DSE: variants seen among roughly 807,000 people sequenced by gnomAD.
The protein encoded by DSE is dermatan sulfate epimerase.
DSE carries 36 observed loss-of-function variants against 84.4 expected under a neutral mutation model. That is an observed-to-expected ratio of 0.43 (90% confidence interval 0.33 to 0.56). The LOEUF (loss-of-function observed/expected upper bound fraction) is 0.56. Ranked by LOEUF, DSE falls within the 20% of genes least tolerant of loss-of-function variation. The pLI is 0.06. For synonymous variants in DSE, 410 were observed against 430.1 expected, an observed-to-expected ratio of 0.95 and a Z score of 0.58; for missense variants, 862 against 1,169.6, an observed-to-expected ratio of 0.74 and a Z score of 3.84.
At chr6:116,363,326 G>C (rs1273742625) in intron 2 of DSE, among the ~76,000 whole-genome samples, 1 of 151,524 alleles carries the variant, frequency 6.6e-6, no homozygotes. Context: ...TTTAATGACT[G>C]ATCAGAAAGT....
At chr6:116,258,698 C>G (rs1772260191) in exon 2 of DSE, 2 of 1,606,232 alleles carry the variant, frequency 1.2e-6, no homozygotes, top group Non-Finnish European at 1.7e-6. Context: ...GGGGACACGT[C>G]CACAGCCTGT....
chr6:116,267,354 A>G (rs113874070), intron 2 of DSE, among the ~76,000 whole-genome samples: 2 of 152,212 alleles, frequency 1.3e-5, no homozygotes, highest in African/African-American at 4.8e-5. Flanking sequence ...GAGGTAGAAG[A>G]CAGTGATATT....
chr6:116,304,662 C>A (rs1277043934), intron 2 of DSE, among the ~76,000 whole-genome samples: 1 of 152,176 alleles, frequency 6.6e-6, no homozygotes, highest in Non-Finnish European at 1.5e-5. Flanking sequence ...GCACTGTGTG[C>A]TTCTGGTGCC....
intron 2 of DSE, among the ~76,000 whole-genome samples, chr6:116,323,494 C>T (rs1045607709): frequency 6.6e-6 from 1 of 152,092 alleles, no homozygotes; most frequent in Non-Finnish European, 1.5e-5. Flanking sequence ...CGTTTAGCAG[C>T]CAGGTGCTAT....
At chr6:116,289,272 G>A (rs1319471131) in intron 2 of DSE, among the ~76,000 whole-genome samples, 1 of 151,908 alleles carries the variant, frequency 6.6e-6, no homozygotes, top group Non-Finnish European at 1.5e-5. Flanking sequence ...TAAAAATAAT[G>A]TACATGAAAC....
chr6:116,326,375 A>G (rs1381487199), intron 2 of DSE, among the ~76,000 whole-genome samples: 2 of 152,116 alleles, frequency 1.3e-5, no homozygotes, highest in Non-Finnish European at 1.5e-5. Flanking sequence ...AAAACTTTCA[A>G]ATATCTTAGG....
chr6:116,286,864 G>T (rs1278561321), intron 2 of DSE, among the ~76,000 whole-genome samples: 1 of 152,010 alleles, frequency 6.6e-6, no homozygotes, highest in Non-Finnish European at 1.5e-5. Context: ...GCTCCCCTTG[G>T]TACATGTTAC....
At chr6:116,333,987 A>T (rs1399629187) in intron 2 of DSE, among the ~76,000 whole-genome samples, 1 of 152,048 alleles carries the variant, frequency 6.6e-6, no homozygotes, top group African/African-American at 2.4e-5. Context: ...CAACCCTCCA[A>T]AATATTGCAA....
intron 1 of DSE, among the ~76,000 whole-genome samples, chr6:116,392,273 G>T (rs527594825): frequency 6.6e-6 from 1 of 152,314 alleles, no homozygotes; most frequent in South Asian, 2.1e-4. Flanking sequence ...AAGGAGGAGG[G>T]AACTTGGACT....
intron 2 of DSE, among the ~76,000 whole-genome samples, chr6:116,345,034 C>A (rs1164369104): frequency 6.6e-6 from 1 of 152,174 alleles, no homozygotes; most frequent in Non-Finnish European, 1.5e-5. Context: ...AAGACCATTA[C>A]ATAATGGTAA....
At chr6:116,376,958 C>A (rs1242987058) in intron 1 of DSE, among the ~76,000 whole-genome samples, 2 of 152,122 alleles carry the variant, frequency 1.3e-5, no homozygotes, top group East Asian at 3.9e-4. Context: ...CATGCCAACC[C>A]CCACCTTTTG....
chr6:116,369,671 T>G (rs1228716218), upstream of DSE, among the ~76,000 whole-genome samples: 1 of 152,222 alleles, frequency 6.6e-6, no homozygotes, highest in Non-Finnish European at 1.5e-5. Context: ...AAGAAGTTTA[T>G]GCAAATTAGT....
intron 2 of DSE, among the ~76,000 whole-genome samples, chr6:116,261,680 T>C (rs942381167): frequency 6.6e-6 from 1 of 152,202 alleles, no homozygotes; most frequent in African/African-American, 2.4e-5. Flanking sequence ...TTGTGCTGCT[T>C]TTCCAGAAGA....
chr6:116,284,298 A>G (rs1483548160), intron 2 of DSE, among the ~76,000 whole-genome samples: 1 of 152,188 alleles, frequency 6.6e-6, no homozygotes, highest in Non-Finnish European at 1.5e-5. Context: ...ACTTTTATAA[A>G]CAACATCCAG....
intron 3 of DSE, 126 bp from the exon 4 acceptor site, chr6:116,430,828 G>A (rs1184986744): frequency 7.7e-7 from 1 of 1,295,374 alleles, no homozygotes; most frequent in African/African-American, 1.5e-5. Context: ...TGACAAGTTG[G>A]AGTTTTACAA....
chr6:116,391,318 T>C (rs970095101), intron 1 of DSE, among the ~76,000 whole-genome samples: 3 of 152,208 alleles, frequency 2.0e-5, no homozygotes, highest in Non-Finnish European at 2.9e-5. Flanking sequence ...TTATTATACA[T>C]GGTGTGGTTT....
intron 2 of DSE, among the ~76,000 whole-genome samples, chr6:116,315,681 A>G (rs889989173): frequency 1.3e-5 from 2 of 152,162 alleles, no homozygotes; most frequent in African/African-American, 4.8e-5. Flanking sequence ...CTTGTTTCAC[A>G]TGAGAATCGT....
intron 1 of DSE, among the ~76,000 whole-genome samples, chr6:116,386,372 G>T (rs1315602234): frequency 6.6e-6 from 1 of 152,152 alleles, no homozygotes; most frequent in African/African-American, 2.4e-5. Context: ...TTCACTAGAA[G>T]GACTTACAAC....
At chr6:116,364,969 G>A (rs747376037) in intron 2 of DSE, among the ~76,000 whole-genome samples, 2 of 151,610 alleles carry the variant, frequency 1.3e-5, no homozygotes, top group African/African-American at 2.4e-5. Flanking sequence ...GAGTAACTGG[G>A]ATTACAGTGT....
Sources: gnomAD v4.1 joint callset for allele counts (sites outside exome capture counted in the v4.1 genomes callset) on GRCh38, gnomAD v4.1.1 for gene constraint, MANE v1.5 for transcripts, NCBI Gene and HGNC (gene_info 2026-07-23, HGNC 2026-07-21) for gene names.